Variants in RBM15 observed in about 807,000 individuals in gnomAD.
The protein encoded by RBM15 is RNA-binding protein 15.
RBM15 carries 8 observed loss-of-function variants against 62.6 expected under a neutral mutation model. The observed-to-expected ratio is 0.13, with a 90% CI of 0.07 to 0.23. The LOEUF (loss-of-function observed/expected upper bound fraction) is 0.23. Among genes scored for constraint, RBM15 ranks in the 10% least tolerant of loss-of-function variants. The pLI is 1.00. For missense variants in RBM15, 1,144 were observed against 1,286.5 expected, an observed-to-expected ratio of 0.89 and a Z score of 1.69; for synonymous variants, 606 against 505.7, an observed-to-expected ratio of 1.20 and a Z score of -2.66.
chr1:110,344,402 TTTTG>T lies in RBM15; in HGVS notation c.2864-1129_2864-1126del, dbSNP rs1286506828. Among the ~76,000 whole-genome samples, 5 of 152,264 alleles carry T rather than the reference TTTTG, an allele frequency of 3.3e-5. No homozygotes were observed. The East Asian group carries it at 7.7e-4, about 23-fold the overall frequency. ...ATTTCTTTTCTTTTACTTTCTTTTTTTTTGTTTGTTTTTTGTTTTTTGTTAGTGT... is the reference window on the plus strand; with the variant it reads ...ATTTCTTTTCTTTTACTTTCTTTTTTTTTGTTTTTTGTTTTTTGTTAGTGT... On this transcript the variant is annotated intron_variant, in intron 1 of 2. Coordinates refer to ENST00000369784, the MANE Select transcript of RBM15 (RefSeq NM_022768.5).
Position 110,341,967 on chromosome 1 carries a change from C to A in RBM15, c.2562C>A (p.Pro854=), listed in dbSNP as rs1373892774. 2 of 1,614,102 alleles carry A rather than the reference C, an allele frequency of 1.2e-6. No individual in the cohort carries two copies. The highest frequency in any genetic ancestry group is 1.7e-6 in the Non-Finnish European group (2 of 1,180,044). ...CTCGACGCATCAAAGTAGCAGGGCC[C>A]AATGGTTATGCCATTCTTTTGGCTG... ...EVTRRIKVAG[P]NGYAILLAVP... is the part of the protein sequence containing the mutation. Residue 854 remains proline (P), a synonymous_variant, in exon 1 of 3, where the codon CCC becomes CCA. Coordinates refer to ENST00000369784, the MANE Select transcript of RBM15 (RefSeq NM_022768.5). This position sits in a 1 kb window ranked among gnomAD's most constrained non-coding sequence, Gnocchi z 4.5.
In RBM15 at chr1:110,339,496, G is replaced by A. The variant is rs1162541124; in HGVS notation, c.91G>A (p.Val31Ile). 1.9e-6 allele frequency: 3 copies of A among 1,586,796 alleles called. No individual in the cohort carries two copies. The highest frequency in any genetic ancestry group is 1.7e-5 in the Admixed American group (1 of 57,594). The change falls in exon 1 of 3, where the codon GTT (valine) becomes ATT (isoleucine). Residue 31 changes from valine (V) to isoleucine (I), a missense_variant. Coordinates refer to ENST00000369784, the MANE Select transcript of RBM15 (RefSeq NM_022768.5). ...PLCETSAGRRVTQLRGDDLRR... is the reference protein window; with the variant it reads ...PLCETSAGRRITQLRGDDLRR... ...GTGTGAAACGAGCGCGGGGCGGCGG[G>A]TTACTCAGCTCCGCGGAGACGACCT... is the stretch of plus-strand genomic sequence containing the variant.
chr1:110,343,768 A>G (rs1557892513), intron 1 of RBM15, among the ~76,000 whole-genome samples: 1 of 152,168 alleles, frequency 6.6e-6, no homozygotes, highest in Non-Finnish European at 1.5e-5. Context: ...GTTCTATGAA[A>G]GTGACTTAAC....
Position 110,340,704 on chromosome 1 carries a change from A to G in RBM15, c.1299A>G (p.Ala433=), listed in dbSNP as rs1660777284. 2 of 1,614,116 alleles carry G rather than the reference A, an allele frequency of 1.2e-6. No individual in the cohort carries two copies. Among genetic ancestry groups the G allele is most frequent in the South Asian group, 1.1e-5 (1 of 91,076 alleles). Residue 433 remains alanine (A), a synonymous_variant, in exon 1 of 3, where the codon GCA becomes GCG. Transcript: ENST00000369784. The surrounding 1 kb of genome is among the most constrained non-coding windows in gnomAD (Gnocchi z 5.8). ...ATATGTCTCACCGGGCCAAATTAGC[A>G]ATGTCTGGCAAAATTATAATTCGGA... is the stretch of plus-strand genomic sequence containing the variant. ...NLDMSHRAKL[A]MSGKIIIRNP...
At chr1:110,345,706 G>A in intron 2 of RBM15, 57 bp downstream of exon 2, 1 of 1,042,560 alleles carries the variant, frequency 9.6e-7, no homozygotes, top group Middle Eastern at 2.1e-4. Context: ...GGTTTAAACA[G>A]AGTTGAAAAG....
rs1470465849 is a variant in RBM15, at chr1:110,340,726, C to G, written c.1321C>G (p.Arg441Gly). 1.9e-6 allele frequency: 3 copies of G among 1,613,974 alleles called. No homozygotes were observed. Among genetic ancestry groups the G allele is most frequent in the Non-Finnish European group, 2.5e-6 (3 of 1,180,026 alleles). ...KLAMSGKIII[R>G]NPIKIGYGKA... ...AGCAATGTCTGGCAAAATTATAATT[C>G]GGAATCCTATCAAAATTGGTTATGG... The change falls in exon 1 of 3, where the codon CGG becomes GGG. Residue 441 changes from arginine (R) to glycine (G), a missense_variant. Around this residue, in one of 8 missense-constraint regions of RBM15, gnomAD observed 105 missense variants for 193.6 expected, o/e 0.54. Transcript: ENST00000369784. The surrounding 1 kb of genome is among the most constrained non-coding windows in gnomAD (Gnocchi z 5.8).
At chr1:110,342,587 G>C (rs1570612581) in intron 1 of RBM15, 5 of 309,606 alleles carry the variant, frequency 1.6e-5, no homozygotes, top group Admixed American at 5.0e-5. Context: ...TTTTAATCTT[G>C]AGCTTAAAAA....
At chr1:110,345,041 A>C (rs1378670313) in intron 1 of RBM15, among the ~76,000 whole-genome samples, 1 of 152,160 alleles carries the variant, frequency 6.6e-6, no homozygotes, top group Admixed American at 6.6e-5. Context: ...CCTATAAATA[A>C]TTTTTCACAC....
In RBM15 at chr1:110,340,504, G is replaced by A. The variant is rs1660773678; in HGVS notation, c.1099G>A (p.Glu367Lys). The change falls in exon 1 of 3, where the codon GAG becomes AAG. Residue 367 changes from glutamate (E) to lysine (K), a missense_variant. Around this residue, in one of 8 missense-constraint regions of RBM15, gnomAD observed 33 missense variants for 39.6 expected, o/e 0.83. Transcript: ENST00000369784. The surrounding 1 kb of genome is among the most constrained non-coding windows in gnomAD (Gnocchi z 5.8). The stretch of plus-strand genomic sequence containing the variant: ...CAGAGAAGTGGATGAGATTTCACCC[G>A]AGGATGATCAGCGAGCTAACCGGAC... Reference protein sequence around the residue: ...PFREVDEISPEDDQRANRTLF... With the variant: ...PFREVDEISPKDDQRANRTLF... The A allele has an allele frequency of 2.5e-6, 4 of 1,613,914 alleles. No individual in the cohort carries two copies. The highest frequency in any genetic ancestry group is 2.7e-5 in the African/African-American group (2 of 74,854).
chr1:110,342,347 G>C, intron 1 of RBM15, 79 bp downstream of exon 1: 1 of 1,104,862 alleles, frequency 9.1e-7, no homozygotes, highest in Middle Eastern at 2.6e-4. Flanking sequence ...ATGGGATACA[G>C]CATCAGATGC....
intron 1 of RBM15, among the ~76,000 whole-genome samples, chr1:110,343,142 G>GT (rs1316576317): frequency 6.6e-6 from 1 of 152,134 alleles, no homozygotes; most frequent in Non-Finnish European, 1.5e-5. Context: ...TCAAAGATGA[G>GT]TTTTTGTTTT....
chr1:110,342,020 C>T lies in RBM15; in HGVS notation c.2615C>T (p.Ser872Phe), dbSNP rs1660809997. 1 of 1,614,222 alleles carries T rather than the reference C, an allele frequency of 6.2e-7. No individual in the cohort carries two copies. Among genetic ancestry groups the T allele is most frequent in the Non-Finnish European group, 8.5e-7 (1 of 1,180,044 alleles). Residue 872 changes from serine (S) to phenylalanine (F), a missense_variant, in exon 1 of 3, where the codon TCC (serine) becomes TTC (phenylalanine). Physicochemically the swap from Ser to Phe is radical, Grantham distance 155. Around this residue, in one of 8 missense-constraint regions of RBM15, gnomAD observed 144 missense variants for 223.3 expected, o/e 0.64. Transcript: ENST00000369784. ...AVPGSSDSRS[S>F]SSSAASDTAT... ...CCTGGAAGTTCTGACAGCCGGTCCTCCTCTTCCTCAGCTGCATCAGACACT... is the reference window on the plus strand; with the variant it reads ...CCTGGAAGTTCTGACAGCCGGTCCTTCTCTTCCTCAGCTGCATCAGACACT...
intron 2 of RBM15, 82 bp from the exon 3 acceptor site, chr1:110,346,226 A>G (rs1570614071): frequency 1.4e-6 from 2 of 1,417,734 alleles, no homozygotes; most frequent in South Asian, 1.2e-5. Context: ...ATGTTCATCT[A>G]TAATGGCATA....
chr1:110,342,347 G>A, intron 1 of RBM15, 79 bp downstream of exon 1: 3 of 1,104,856 alleles, frequency 2.7e-6, no homozygotes, highest in South Asian at 2.1e-5. Flanking sequence ...ATGGGATACA[G>A]CATCAGATGC....
Position 110,341,029 on chromosome 1 carries a change from C to T in RBM15, c.1624C>T (p.Pro542Ser), listed in dbSNP as rs1287735240. 1.2e-6 allele frequency: 2 copies of T among 1,614,208 alleles called. No homozygotes were observed. Among genetic ancestry groups the T allele is most frequent in the Admixed American group, 1.7e-5 (1 of 60,030 alleles). Residue 542 changes from proline (P) to serine (S), a missense_variant, in exon 1 of 3, where the codon CCC becomes TCC. Pro to Ser is a moderately conservative substitution (Grantham distance 74, BLOSUM62 -1). Transcript: ENST00000369784. This position sits in a 1 kb window ranked among gnomAD's most constrained non-coding sequence, Gnocchi z 4.5. Reference sequence around the variant, plus strand: ...CCAGCAGCAGTATCTGCAGCCTCTGCCCTTGACTCATTATGAGCTGGTGAC... The same window carrying T: ...CCAGCAGCAGTATCTGCAGCCTCTGTCCTTGACTCATTATGAGCTGGTGAC... ...RYQQQYLQPL[P>S]LTHYELVTDA...
At position 110,346,377 on chromosome 1, in the gene RBM15, G is replaced by A. The variant is rs1279366883; in HGVS notation, c.*110G>A. On this transcript the variant is annotated 3_prime_UTR_variant, in exon 3 of 3. Transcript: ENST00000369784. ...TAATGGACCTTTTTGAAGAGAAGTT[G>A]TGGCTTATGTGGAGTTTACATGGGC... The A allele has an allele frequency of 6.3e-7, 1 of 1,593,194 alleles. No individual in the cohort carries two copies. The highest frequency in any genetic ancestry group is 2.2e-5 in the East Asian group (1 of 44,854).
Position 110,339,852 on chromosome 1 carries a change from G to A in RBM15, c.447G>A (p.Gly149=). 1.3e-6 allele frequency: 2 copies of A among 1,599,484 alleles called. No homozygotes were observed. The highest frequency in any genetic ancestry group is 1.7e-6 in the Non-Finnish European group (2 of 1,169,322). ...ESRSSSRGGG[G]ESRSSGAASS... Reference sequence around the variant, plus strand: ...GCAGCAGCTCCCGGGGTGGAGGCGGGGAGTCACGTTCCTCTGGGGCCGCCT... The same window carrying A: ...GCAGCAGCTCCCGGGGTGGAGGCGGAGAGTCACGTTCCTCTGGGGCCGCCT... The change falls in exon 1 of 3, where the codon GGG becomes GGA. Residue 149 remains glycine (G), a synonymous_variant. Coordinates refer to ENST00000369784, the MANE Select transcript of RBM15 (RefSeq NM_022768.5).
Position 110,340,133 on chromosome 1 carries a change from G to T in RBM15, c.728G>T (p.Arg243Leu). 6.2e-7 allele frequency: 1 copy of T among 1,613,822 alleles called. No individual in the cohort carries two copies. Among genetic ancestry groups the T allele is most frequent in the Non-Finnish European group, 8.5e-7 (1 of 1,179,938 alleles). The change falls in exon 1 of 3, where the codon CGG becomes CTG. Residue 243 changes from arginine (R) to leucine (L), a missense_variant. Physicochemically the swap from Arg to Leu is moderately radical, Grantham distance 102. Around this residue, in one of 8 missense-constraint regions of RBM15, gnomAD observed 188 missense variants for 185.6 expected, o/e 1.01. Coordinates refer to ENST00000369784, the MANE Select transcript of RBM15 (RefSeq NM_022768.5). This position sits in a 1 kb window ranked among gnomAD's most constrained non-coding sequence, Gnocchi z 5.8. ...AGAGGCCGCCTGGTGCTCTATGACC[G>T]GCCTCTGAAGATAGAAGCTGTGTAT... ...HARGRLVLYD[R>L]PLKIEAVYVS...
chr1:110,343,995 G>A (rs151213890), intron 1 of RBM15, among the ~76,000 whole-genome samples: 1 of 152,240 alleles, frequency 6.6e-6, no homozygotes, highest in African/African-American at 2.4e-5. Flanking sequence ...GGTTTTGTGG[G>A]GGTTTTTGTT....
Sources: allele counts gnomAD v4.1 joint callset (sites outside exome capture counted in the v4.1 genomes callset), GRCh38; gene constraint gnomAD v4.1.1; regional missense constraint gnomAD v4.1.1; non-coding constraint Gnocchi (gnomAD v3.1); transcripts MANE v1.5; gene names NCBI Gene and HGNC (gene_info 2026-07-23, HGNC 2026-07-21).